DLG2: variants seen among roughly 807,000 people sequenced by gnomAD.
The protein encoded by DLG2 is disks large homolog 2.
In DLG2, 45 loss-of-function variants were observed where a neutral mutation model predicts 132.5. The observed-to-expected ratio is 0.34, with a 90% confidence interval of 0.27 to 0.44. The LOEUF is 0.44. DLG2 is among the 20% of genes least tolerant of loss of function. DLG2 has a pLI of 1.00. For synonymous variants in DLG2, 424 were observed against 419.6 expected, an observed-to-expected ratio of 1.01 and a Z score of -0.13; for missense variants, 1,045 against 1,196.9, an observed-to-expected ratio of 0.87 and a Z score of 1.87.
intron 6 of DLG2, among the ~76,000 whole-genome samples, chr11:84,588,401 G>T (rs2099534868): frequency 2.6e-5 from 4 of 152,040 alleles, no homozygotes; most frequent in Admixed American, 2.6e-4. Flanking sequence ...CTATGATGGT[G>T]GCAAGATAAT....
chr11:84,775,720 C>A (rs1253013928), intron 6 of DLG2, among the ~76,000 whole-genome samples: 2 of 151,964 alleles, frequency 1.3e-5, no homozygotes, highest in African/African-American at 2.4e-5. Context: ...TACATGGCAA[C>A]AATAGACACT....
At chr11:84,352,705 A>T (rs2098585890) in intron 7 of DLG2, among the ~76,000 whole-genome samples, 1 of 152,196 alleles carries the variant, frequency 6.6e-6, no homozygotes, top group Non-Finnish European at 1.5e-5. Flanking sequence ...TCTTAAAATA[A>T]CTTTGTGGTA....
chr11:84,877,047 A>C (rs943935332), intron 6 of DLG2, among the ~76,000 whole-genome samples: 1 of 152,136 alleles, frequency 6.6e-6, no homozygotes, highest in Non-Finnish European at 1.5e-5. Flanking sequence ...GTGGTCTGAG[A>C]GACTGTTTTT....
chr11:83,757,313 A>C (rs564992837), intron 18 of DLG2, among the ~76,000 whole-genome samples: 3 of 152,328 alleles, frequency 2.0e-5, no homozygotes, highest in Non-Finnish European at 2.9e-5. Flanking sequence ...GTAACAGTGA[A>C]TTTATATATT....
At chr11:83,590,420 T>A (rs1446604180) in intron 19 of DLG2, among the ~76,000 whole-genome samples, 1 of 151,964 alleles carries the variant, frequency 6.6e-6, no homozygotes, top group Non-Finnish European at 1.5e-5. Context: ...AAGGCAGAAA[T>A]AAAGATGTTC....
At chr11:83,719,022 G>A (rs1021104736) in intron 18 of DLG2, among the ~76,000 whole-genome samples, 1 of 152,174 alleles carries the variant, frequency 6.6e-6, no homozygotes, top group African/African-American at 2.4e-5. Context: ...AAATGCAGGT[G>A]CCTCAACTCT....
chr11:84,149,175 T>C (rs1281597569), intron 9 of DLG2, among the ~76,000 whole-genome samples: 1 of 152,174 alleles, frequency 6.6e-6, no homozygotes, highest in Non-Finnish European at 1.5e-5. Context: ...AGTTGGTTGT[T>C]TATTCCCTTG....
At chr11:84,680,631 G>C (rs1039314626) in intron 6 of DLG2, among the ~76,000 whole-genome samples, 2 of 152,074 alleles carry the variant, frequency 1.3e-5, no homozygotes, top group Non-Finnish European at 2.9e-5. Context: ...ATAAACTTTT[G>C]CTTTGCAGCC....
At chr11:83,460,823 G>T (rs1486597410) in intron 27 of DLG2, among the ~76,000 whole-genome samples, 3 of 152,124 alleles carry the variant, frequency 2.0e-5, no homozygotes, top group African/African-American at 7.2e-5. Context: ...CTACCTGGAT[G>T]TTCTTTTAGG....
intron 18 of DLG2, among the ~76,000 whole-genome samples, chr11:83,768,763 C>G (rs2094253440): frequency 6.6e-6 from 1 of 152,106 alleles, no homozygotes; most frequent in Admixed American, 6.6e-5. Context: ...ATGAACTTCG[C>G]CCATACTAGT....
At chr11:84,808,836 A>C (rs1018669234) in intron 6 of DLG2, among the ~76,000 whole-genome samples, 3 of 151,962 alleles carry the variant, frequency 2.0e-5, no homozygotes, top group African/African-American at 7.2e-5. Flanking sequence ...CAAAAAAAGA[A>C]ATCTTTAGGC....
chr11:85,274,567 G>C (rs2077765762), intron 4 of DLG2, among the ~76,000 whole-genome samples: 1 of 151,986 alleles, frequency 6.6e-6, no homozygotes, highest in Admixed American at 6.6e-5. Context: ...ACACTGTAGG[G>C]TCTCAGAAAA....
intron 3 of DLG2, among the ~76,000 whole-genome samples, chr11:85,375,624 A>T (rs2085344192): frequency 6.6e-6 from 1 of 152,226 alleles, no homozygotes; most frequent in Non-Finnish European, 1.5e-5. Context: ...AGTATTTTTC[A>T]GTACTCCTTT....
At chr11:85,559,834 A>AGATAGAT (rs1400255011) in intron 3 of DLG2, among the ~76,000 whole-genome samples, 1 of 150,452 alleles carries the variant, frequency 6.6e-6, no homozygotes, top group East Asian at 1.9e-4. Flanking sequence ...ATAGATAGAT[A>AGATAGAT]GATAGATAGA....
chr11:83,706,111 G>C (rs931532355), intron 18 of DLG2, among the ~76,000 whole-genome samples: 2 of 151,774 alleles, frequency 1.3e-5, no homozygotes, highest in Non-Finnish European at 2.9e-5. Context: ...CCAGCTACTC[G>C]GGAGGTTGAG....
At chr11:85,109,823 T>C (rs1373485043) in intron 6 of DLG2, among the ~76,000 whole-genome samples, 2 of 152,116 alleles carry the variant, frequency 1.3e-5, no homozygotes, top group African/African-American at 4.8e-5. Context: ...AAACACACGT[T>C]CTATGGTATT....
intron 18 of DLG2, among the ~76,000 whole-genome samples, chr11:83,684,681 T>C (rs2079422842): frequency 6.6e-6 from 1 of 152,148 alleles, no homozygotes. Flanking sequence ...ATGTCTGAAG[T>C]AGGTATCCAC....
At chr11:83,746,729 A>T (rs1218688131) in intron 18 of DLG2, among the ~76,000 whole-genome samples, 2 of 152,122 alleles carry the variant, frequency 1.3e-5, no homozygotes, top group Non-Finnish European at 2.9e-5. Context: ...AGTATAATAA[A>T]AAAAAAGTTT....
chr11:85,050,243 A>G (rs557189949), intron 6 of DLG2, among the ~76,000 whole-genome samples: 1 of 152,120 alleles, frequency 6.6e-6, no homozygotes, highest in East Asian at 1.9e-4. Flanking sequence ...GTACACTAAA[A>G]AATTCCTAAT....
Sources: gnomAD v4.1 joint callset for allele counts (sites outside exome capture counted in the v4.1 genomes callset) on GRCh38, gnomAD v4.1.1 for gene constraint, MANE v1.5 for transcripts, NCBI Gene and HGNC (gene_info 2026-07-23, HGNC 2026-07-21) for gene names.